TEX36: variants seen among roughly 807,000 people sequenced by gnomAD.
The protein encoded by TEX36 is testis expressed 36, also known as testis-expressed protein 36.
TEX36 carries 12 observed loss-of-function variants against 13.6 expected under a neutral mutation model. The ratio of observed to expected loss-of-function variants is 0.88; its 90% CI spans 0.56 to 1.43. TEX36 has a LOEUF of 1.43. Ranked by LOEUF, TEX36 falls within the 40% of genes most tolerant of loss-of-function variation. The pLI is 0.00. For synonymous variants in TEX36, 93 were observed against 83.0 expected, an observed-to-expected ratio of 1.12 and a Z score of -0.65; for missense variants, 224 against 228.3, an observed-to-expected ratio of 0.98 and a Z score of 0.12.
At chr10:125,665,841 AT>A (rs1847112245) in intron 1 of TEX36, among the ~76,000 whole-genome samples, 2 of 152,018 alleles carry the variant, frequency 1.3e-5, no homozygotes, top group South Asian at 2.1e-4. Context: ...AGCATGAGAT[AT>A]TTTTCCATTT....
rs573229248 is a variant in TEX36, at chr10:125,640,217, A to G, written c.265-18572T>C. 32 of 985,368 alleles carry G rather than the reference A, an allele frequency of 3.2e-5. No individual in the cohort carries two copies. The African/African-American group carries it at 5.4e-4, about 17-fold the overall frequency. The allele number at this position is 985,368 out of a possible 1,614,324, so 61.0% of individuals were successfully genotyped here. ...ACTGAACATTCTGATGCTAGCTCCT[A>G]TTTGGCAGGAGGAGAGGAAGAAGGG... On this transcript the variant is annotated intron_variant, in intron 3 of 3. Coordinates refer to the TEX36 transcript ENST00000526819.
intron 3 of TEX36, among the ~76,000 whole-genome samples, chr10:125,625,851 C>T (rs1024278791): frequency 1.3e-5 from 2 of 152,180 alleles, no homozygotes; most frequent in South Asian, 2.1e-4. Flanking sequence ...GCGATGCCAC[C>T]GCTGCTACAG....
At chr10:125,670,221 AG>A (rs1161935073) in intron 1 of TEX36, among the ~76,000 whole-genome samples, 6 of 152,224 alleles carry the variant, frequency 3.9e-5, no homozygotes, top group African/African-American at 1.2e-4. Flanking sequence ...ATAGCGTAAA[AG>A]CATTCCTATT....
chr10:125,643,323 G>C (rs549464399), intron 3 of TEX36, among the ~76,000 whole-genome samples: 3 of 152,300 alleles, frequency 2.0e-5, no homozygotes, highest in Non-Finnish European at 4.4e-5. Flanking sequence ...TCACAGGTAA[G>C]CTATCAAGGA....
chr10:125,629,358 C>T (rs150610037), intron 3 of TEX36, among the ~76,000 whole-genome samples: 94 of 152,300 alleles, frequency 6.2e-4, no homozygotes, highest in African/African-American at 1.4e-3. Context: ...GAGGCGACTT[C>T]AAATTTACCC....
intron 3 of TEX36, among the ~76,000 whole-genome samples, chr10:125,637,545 G>C (rs1271532711): frequency 1.3e-5 from 2 of 152,166 alleles, no homozygotes; most frequent in Admixed American, 1.3e-4. Flanking sequence ...GCAGTGAACA[G>C]AGGAGTGCAC....
chr10:125,647,987 G>A (rs1167510093), intron 3 of TEX36, among the ~76,000 whole-genome samples: 2 of 152,214 alleles, frequency 1.3e-5, no homozygotes, highest in Admixed American at 6.5e-5. Flanking sequence ...GGCTTGAGTA[G>A]GTAAACAAAG....
intron 3 of TEX36, among the ~76,000 whole-genome samples, chr10:125,578,806 G>A (rs1043729864): frequency 1.3e-5 from 2 of 152,128 alleles, no homozygotes. Flanking sequence ...AAACCCACCT[G>A]TGCCAATCCC....
Position 125,683,138 on chromosome 10 carries a change from C to A in TEX36, c.-149G>T. 1 of 918,598 alleles carries A rather than the reference C, an allele frequency of 1.1e-6. No homozygotes were observed. 56.9% of individuals were successfully genotyped at this position (918,598 alleles called of 1,614,324 possible). On this transcript the variant is annotated 5_prime_UTR_variant, in exon 1 of 4. The change creates a new upstream start codon in the 5' untranslated region. Coordinates refer to ENST00000368821, the MANE Select transcript of TEX36 (RefSeq NM_001128202.3). The stretch of plus-strand genomic sequence containing the variant: ...TTGTTCCTGATCTTTACTTCTCAGC[C>A]TCTTCCAGGAGGGGAAGGTGCGGGT...
intron 3 of TEX36, among the ~76,000 whole-genome samples, chr10:125,592,040 T>C (rs1468467114): frequency 6.6e-6 from 1 of 152,228 alleles, no homozygotes. Flanking sequence ...TTATTGTTCC[T>C]CCTTGTTTGC....
At position 125,683,050 on chromosome 10, in the gene TEX36, T is replaced by C. The variant is rs2133620635; in HGVS notation, c.-61A>G. ...CCCTCACCTCTCCATAAGCTCTACA[T>C]GTCTGGGAAGCTGCTTCCTAAACTT... On this transcript the variant is annotated 5_prime_UTR_variant, in exon 1 of 4. It removes an upstream start codon present in the reference 5' UTR. Transcript: ENST00000368821. The C allele has an allele frequency of 6.5e-7, 1 of 1,535,004 alleles. No individual in the cohort carries two copies. Among genetic ancestry groups the C allele is most frequent in the Non-Finnish European group, 8.8e-7 (1 of 1,131,830 alleles).
intron 3 of TEX36, among the ~76,000 whole-genome samples, chr10:125,646,593 C>A (rs1045863978): frequency 6.6e-6 from 1 of 152,002 alleles, no homozygotes; most frequent in Non-Finnish European, 1.5e-5. Context: ...AGATCAAAAG[C>A]AAACAACAGC....
chr10:125,584,948 A>G (rs1038064124), intron 3 of TEX36, among the ~76,000 whole-genome samples: 2 of 152,232 alleles, frequency 1.3e-5, no homozygotes, highest in Non-Finnish European at 1.5e-5. Context: ...CATGTCATAG[A>G]TAGTCTTCAA....
chr10:125,655,461 GT>G (rs1378871233), downstream of TEX36, among the ~76,000 whole-genome samples: 1 of 152,030 alleles, frequency 6.6e-6, no homozygotes, highest in Non-Finnish European at 1.5e-5. Context: ...AAAAAAAGTT[GT>G]AGAATATTTT....
At chr10:125,668,007 A>G in intron 1 of TEX36, 1 of 733,526 alleles carries the variant, frequency 1.4e-6, no homozygotes, top group Non-Finnish European at 2.5e-6. Context: ...TTGGAAATCC[A>G]GACGGAGGCC....
chr10:125,621,565 T>A (rs557164066), downstream of TEX36: 25 of 455,874 alleles, frequency 5.5e-5, no homozygotes. Flanking sequence ...ATAGGATATA[T>A]GTATGTATAA....
intron 3 of TEX36, among the ~76,000 whole-genome samples, chr10:125,629,792 A>T (rs1846529803): frequency 6.6e-6 from 1 of 152,236 alleles, no homozygotes; most frequent in African/African-American, 2.4e-5. Flanking sequence ...TATGAAAGAA[A>T]ATCATCAGTG....
At chr10:125,654,050 A>C (rs890006949), downstream of TEX36, among the ~76,000 whole-genome samples, 1 of 152,244 alleles carries the variant, frequency 6.6e-6, no homozygotes, top group Non-Finnish European at 1.5e-5. Flanking sequence ...TATCCAGTGC[A>C]ATAAGATGCG....
At chr10:125,615,802 T>A (rs1276907614) in intron 3 of TEX36, among the ~76,000 whole-genome samples, 1 of 152,190 alleles carries the variant, frequency 6.6e-6, no homozygotes, top group Non-Finnish European at 1.5e-5. Flanking sequence ...CTTCATAAAA[T>A]GAGTTAGGGA....
Sources: allele counts gnomAD v4.1 joint callset (sites outside exome capture counted in the v4.1 genomes callset), GRCh38; gene constraint gnomAD v4.1.1; transcripts MANE v1.5; gene names NCBI Gene and HGNC (gene_info 2026-07-23, HGNC 2026-07-21).